LARS2: variants seen among roughly 807,000 people sequenced by gnomAD.
LARS2 encodes the protein leucyl-tRNA synthetase 2, mitochondrial.
In LARS2, 81 loss-of-function variants were observed where a neutral mutation model predicts 116.6. The ratio of observed to expected loss-of-function variants is 0.69; its 90% CI spans 0.58 to 0.84. The LOEUF (loss-of-function observed/expected upper bound fraction) is 0.84. LARS2 is among the 40% of genes least tolerant of loss of function. The pLI is 0.00. For synonymous variants in LARS2, 396 were observed against 407.2 expected, an observed-to-expected ratio of 0.97 and a Z score of 0.33; for missense variants, 968 against 1,114.5, an observed-to-expected ratio of 0.87 and a Z score of 1.87.
At chr3:45,406,442 T>C (rs1698232850) in intron 4 of LARS2, among the ~76,000 whole-genome samples, 1 of 152,160 alleles carries the variant, frequency 6.6e-6, no homozygotes, top group Non-Finnish European at 1.5e-5. Flanking sequence ...CAGAGCCAAA[T>C]GGACATGGTT....
At chr3:45,407,039 G>A (rs535501269) in intron 4 of LARS2, among the ~76,000 whole-genome samples, 7 of 152,318 alleles carry the variant, frequency 4.6e-5, no homozygotes, top group Admixed American at 4.6e-4. Flanking sequence ...CCCTCACAGA[G>A]TTGGGCTTGG....
At chr3:45,494,093 G>A (rs1699969156) in intron 13 of LARS2, among the ~76,000 whole-genome samples, 1 of 152,134 alleles carries the variant, frequency 6.6e-6, no homozygotes. Context: ...TAGGAAGCTG[G>A]GTTCCCCGAG....
chr3:45,474,412 C>T (rs544609962), intron 9 of LARS2, 62 bp downstream of exon 9: 16 of 1,128,304 alleles, frequency 1.4e-5, no homozygotes, highest in Non-Finnish European at 1.9e-5. Context: ...ATTTGGGACT[C>T]ACTGAGTAAA....
intron 5 of LARS2, among the ~76,000 whole-genome samples, chr3:45,417,936 G>A (rs1018692047): frequency 7.2e-5 from 11 of 152,114 alleles, no homozygotes; most frequent in African/African-American, 2.4e-4. Flanking sequence ...TACTATATCC[G>A]AATACTACAT....
chr3:45,532,655 T>G (rs1291001955), intron 20 of LARS2, among the ~76,000 whole-genome samples: 1 of 152,230 alleles, frequency 6.6e-6, no homozygotes, highest in Non-Finnish European at 1.5e-5. Flanking sequence ...TTTTTTATTT[T>G]TTTTGAGACA....
chr3:45,397,597 CATT>C (rs1342600286), intron 3 of LARS2, among the ~76,000 whole-genome samples: 6 of 152,186 alleles, frequency 3.9e-5, no homozygotes, highest in South Asian at 2.1e-4. Context: ...ACATAACAAA[CATT>C]AGTATAATAA....
chr3:45,536,284 C>T (rs1463932242), intron 20 of LARS2, among the ~76,000 whole-genome samples: 3 of 152,088 alleles, frequency 2.0e-5, no homozygotes, highest in African/African-American at 7.2e-5. Flanking sequence ...CCACATCTGG[C>T]TAATTTTTTA....
At chr3:45,445,221 C>A (rs1431350518) in intron 6 of LARS2, among the ~76,000 whole-genome samples, 3 of 152,282 alleles carry the variant, frequency 2.0e-5, no homozygotes, top group South Asian at 2.1e-4. Flanking sequence ...TTGGGTGCCT[C>A]AATGTGCCAG....
intron 20 of LARS2, among the ~76,000 whole-genome samples, chr3:45,525,723 A>G (rs1364190175): frequency 6.6e-6 from 1 of 152,158 alleles, no homozygotes; most frequent in Admixed American, 6.5e-5. Context: ...TTTTAAACCA[A>G]GCTTTTGCAA....
In LARS2 at chr3:45,525,928, C is replaced by T. The variant is rs114494981; in HGVS notation, c.2404+1820C>T. ...ACTAGCTACCAGTCAGTGTCAGATG[C>T]CTCTTTCATAGGGGTTGCAATTTTA... is the stretch of plus-strand genomic sequence containing the variant. On this transcript the variant is annotated intron_variant, in intron 20 of 21. Transcript: ENST00000645846. Among the ~76,000 whole-genome samples, 5 of 152,228 alleles carry T rather than the reference C, an allele frequency of 3.3e-5. No homozygotes were observed. In the East Asian group the frequency reaches 9.7e-4, roughly 29 times the overall value.
intron 18 of LARS2, 59 bp from the exon 19 acceptor site, chr3:45,520,158 CTT>C (rs1475093263): frequency 8.3e-7 from 1 of 1,203,922 alleles, no homozygotes; most frequent in African/African-American, 1.5e-5. Context: ...ATAATTCAGT[CTT>C]TTTGTGGAAA....
rs143226025 is a variant in LARS2, at chr3:45,485,712, G to T, written c.1039G>T (p.Ala347Ser). The T allele has an allele frequency of 5.0e-6, 8 of 1,609,360 alleles. No individual in the cohort carries two copies. Among genetic ancestry groups the T allele is most frequent in the Non-Finnish European group, 6.8e-6 (8 of 1,177,746 alleles). ...TTCAGATTGCCTCACGCCTGTAATG[G>T]CTGTGAACATGCTTACCCAGCAGGA... is the stretch of plus-strand genomic sequence containing the variant. ...PGKDCLTPVM[A>S]VNMLTQQEVP... The change falls in exon 11 of 22, where the codon GCT becomes TCT. Residue 347 changes from alanine (A) to serine (S), a missense_variant. Transcript: ENST00000645846.
At chr3:45,484,782 G>A (rs946577082) in intron 10 of LARS2, among the ~76,000 whole-genome samples, 2 of 150,012 alleles carry the variant, frequency 1.3e-5, no homozygotes, top group Admixed American at 6.6e-5. Context: ...TTGTTCAACT[G>A]AGCCAAATAC....
chr3:45,394,485 A>G lies in LARS2; in HGVS notation c.32A>G (p.Tyr11Cys). 4 of 1,614,056 alleles carry G rather than the reference A, an allele frequency of 2.5e-6. No homozygotes were observed. Among genetic ancestry groups the G allele is most frequent in the Non-Finnish European group, 2.5e-6 (3 of 1,179,984 alleles). MASVWQRLGF[Y>C]ASLLKRQLNG... ...TCTGTTTGGCAGAGATTGGGTTTTT[A>G]TGCCTCTCTTCTGAAAAGACAGCTA... Residue 11 changes from tyrosine to cysteine, a missense_variant, in exon 3 of 22, where the codon TAT becomes TGT. Tyr to Cys is a radical substitution (Grantham distance 194). Coordinates refer to ENST00000645846, the MANE Select transcript of LARS2 (RefSeq NM_015340.4).
chr3:45,487,087 A>G (rs1399717369), intron 11 of LARS2, among the ~76,000 whole-genome samples: 1 of 152,234 alleles, frequency 6.6e-6, no homozygotes, highest in Admixed American at 6.5e-5. Context: ...GAAATAGTTC[A>G]CATTCAACTG....
chr3:45,479,666 C>T (rs546473120), intron 10 of LARS2, among the ~76,000 whole-genome samples: 47 of 152,188 alleles, frequency 3.1e-4, no homozygotes, highest in Non-Finnish European at 5.7e-4. Context: ...TTGACGTCGC[C>T]TCCTTCTCTC....
intron 3 of LARS2, among the ~76,000 whole-genome samples, chr3:45,395,629 G>A (rs1034207742): frequency 6.6e-6 from 1 of 152,186 alleles, no homozygotes; most frequent in Admixed American, 6.5e-5. Flanking sequence ...TAGGCCCAAG[G>A]CAAGCAGCTG....
At chr3:45,417,422 A>G (rs962499224) in intron 4 of LARS2, 60 bp from the exon 5 acceptor site, 3 of 1,282,144 alleles carry the variant, frequency 2.3e-6, no homozygotes, top group African/African-American at 1.5e-5. Context: ...GCCCCAGAAG[A>G]CAATACCAAT....
chr3:45,391,700 A>G (rs1002254533), intron 2 of LARS2, 52 bp downstream of exon 2: 3 of 152,162 alleles, frequency 2.0e-5, no homozygotes, highest in African/African-American at 7.2e-5. Flanking sequence ...ATCTATTACT[A>G]TCTAATCTGC....
Sources: gnomAD v4.1 joint callset for allele counts (sites outside exome capture counted in the v4.1 genomes callset) on GRCh38, gnomAD v4.1.1 for gene constraint, MANE v1.5 for transcripts, NCBI Gene and HGNC (gene_info 2026-07-23, HGNC 2026-07-21) for gene names.